The following PODNL1 variants were observed in gnomAD, a reference collection of about 807,000 sequenced individuals.
PODNL1 encodes podocan-like protein 1.
Under a neutral mutation model 45.1 loss-of-function variants are expected in PODNL1, and 50 were observed. The observed-to-expected ratio is 1.11, with a 90% confidence interval of 0.88 to 1.40. The LOEUF is 1.40. Among genes scored for constraint, PODNL1 ranks in the 40% most tolerant of loss-of-function variants. PODNL1 has a pLI of 0.00. For missense variants in PODNL1, 788 were observed against 793.3 expected (o/e 0.99, Z 0.08); for synonymous variants, 406 against 372.5 (o/e 1.09, Z -1.04).
rs568939188 is a variant in PODNL1, at chr19:13,936,702, C to T, written c.226-242G>A. Among the ~76,000 whole-genome samples the T allele has an allele frequency of 6.7e-4, 89 of 133,212 alleles. 2 individuals carry two copies. Among genetic ancestry groups the T allele is most frequent in the African/African-American group, 2.5e-3 (86 of 34,696 alleles). The allele number at this position is 133,212 out of a possible 152,430, so 87.4% of individuals were successfully genotyped here. The stretch of plus-strand genomic sequence containing the variant: ...CAATCGACCCCAATTCCCCCAACAC[C>T]CCCACAATCAACCCAAATGTGCCAT... On this transcript the variant is annotated intron_variant, in intron 2 of 9. Coordinates refer to ENST00000588872, the MANE Select transcript of PODNL1 (RefSeq NM_001370095.3).
chr19:13,936,479 G>A lies in PODNL1; in HGVS notation c.226-19C>T. On this transcript the variant is annotated intron_variant, in intron 2 of 9. Transcript: ENST00000588872. Reference sequence around the variant, plus strand: ...GGTTGTTCTGCAGGGTGAGAGTTGGGGTGTTCACACCCGTGACCCCGTGAC... The same window carrying A: ...GGTTGTTCTGCAGGGTGAGAGTTGGAGTGTTCACACCCGTGACCCCGTGAC... The A allele has an allele frequency of 6.3e-7, 1 of 1,596,982 alleles. No homozygotes were observed. Among genetic ancestry groups the A allele is most frequent in the Non-Finnish European group, 8.6e-7 (1 of 1,165,120 alleles).
intron 1 of PODNL1, chr19:13,953,113 C>G (rs1049445201): frequency 6.4e-7 from 1 of 1,550,392 alleles, no homozygotes. Flanking sequence ...CTGGGAGTTC[C>G]AGTACCTGGG....
chr19:13,934,317 GGAGAGGCT>G lies in PODNL1; in HGVS notation c.580_587del (p.Ser194GlnfsTer41). On this transcript the variant is annotated frameshift_variant, in exon 6 of 10. Transcript: ENST00000588872. LOFTEE classifies it high-confidence loss of function. Reference sequence around the variant, plus strand: ...GCGGCAGGTAGCTGAGCTGGTTGTTGGAGAGGCTGAGGGTGGCGATGGCCTCGGAGCCG... The same window carrying G: ...GCGGCAGGTAGCTGAGCTGGTTGTTGGAGGGTGGCGATGGCCTCGGAGCCG... The G allele has an allele frequency of 6.4e-7, 1 of 1,554,260 alleles. No individual in the cohort carries two copies.
At chr19:13,949,408 G>A (rs2145468175) in intron 1 of PODNL1, 1 of 152,104 alleles carries the variant, frequency 6.6e-6, no homozygotes, top group Middle Eastern at 3.4e-3. Flanking sequence ...CTGGGCACAA[G>A]GGATCCTCCC....
intron 1 of PODNL1, among the ~76,000 whole-genome samples, chr19:13,943,781 T>C (rs923034926): frequency 6.6e-6 from 1 of 152,062 alleles, no homozygotes; most frequent in African/African-American, 2.4e-5. Context: ...CTGTCTTTTA[T>C]AAAGACACTG....
chr19:13,935,979 C>A lies in PODNL1; in HGVS notation c.384+1G>T. Reference sequence around the variant, plus strand: ...GCCTGCGGGTGGGGCTGGGGGCTCACCTTGTTGTGAGCCACGCAGAGGTGC... The same window carrying A: ...GCCTGCGGGTGGGGCTGGGGGCTCAACTTGTTGTGAGCCACGCAGAGGTGC... On this transcript the variant is annotated splice_donor_variant, in intron 4 of 9. Transcript: ENST00000588872. LOFTEE classifies it high-confidence loss of function. The A allele has an allele frequency of 6.4e-7, 1 of 1,552,080 alleles. No individual in the cohort carries two copies. The highest frequency in any genetic ancestry group is 2.4e-5 in the East Asian group (1 of 41,112).
intron 1 of PODNL1, among the ~76,000 whole-genome samples, chr19:13,952,304 T>C (rs1391061059): frequency 6.6e-6 from 1 of 152,200 alleles, no homozygotes; most frequent in Admixed American, 6.5e-5. Context: ...GGTACGTCCT[T>C]AAGGCGGGGC....
At chr19:13,935,952 C>G in intron 4 of PODNL1, 28 bp downstream of exon 4, 1 of 1,550,006 alleles carries the variant, frequency 6.5e-7, no homozygotes, top group Non-Finnish European at 8.7e-7. Context: ...TCACTGGGCT[C>G]GGCCTGCGGG....
At position 13,933,089 on chromosome 19, in the gene PODNL1, C is replaced by A. The variant is rs1187580363; in HGVS notation, c.1134G>T (p.Thr378=). Residue 378 remains threonine, a synonymous_variant, in exon 8 of 10, where the codon ACG becomes ACT. Coordinates refer to ENST00000588872, the MANE Select transcript of PODNL1 (RefSeq NM_001370095.3). The surrounding 1 kb of genome is among the most constrained non-coding windows in gnomAD (Gnocchi z 5.2). Reference sequence around the variant, plus strand: ...GGCGGTTATAGGCCAGGTTAAGCTCCGTCAGGCCCGGTGTGGCGACCAGGT... The same window carrying A: ...GGCGGTTATAGGCCAGGTTAAGCTCAGTCAGGCCCGGTGTGGCGACCAGGT... ...ARDLVATPGL[T]ELNLAYNRLA... 1.3e-6 allele frequency: 2 copies of A among 1,531,056 alleles called. No homozygotes were observed. The highest frequency in any genetic ancestry group is 4.9e-5 in the East Asian group (2 of 41,110). 94.8% of individuals were successfully genotyped at this position (1,531,056 alleles called of 1,614,324 possible).
chr19:13,950,086 T>C (rs942978082), intron 1 of PODNL1, among the ~76,000 whole-genome samples: 7 of 143,856 alleles, frequency 4.9e-5, no homozygotes, highest in African/African-American at 1.8e-4. Flanking sequence ...GCCAGGATGG[T>C]CTCAGTCTCA....
upstream of PODNL1, among the ~76,000 whole-genome samples, chr19:13,941,600 C>T (rs1295834741): frequency 6.6e-6 from 1 of 152,128 alleles, no homozygotes; most frequent in African/African-American, 2.4e-5. Context: ...CACCTAAGGT[C>T]AGGAGTTCGA....
chr19:13,941,955 C>T (rs897648878), upstream of PODNL1, among the ~76,000 whole-genome samples: 1 of 152,136 alleles, frequency 6.6e-6, no homozygotes, highest in Non-Finnish European at 1.5e-5. Context: ...AGAACAACAG[C>T]TCCTATCTCA....
intron 5 of PODNL1, 74 bp downstream of exon 5, chr19:13,935,647 C>T: frequency 1.7e-6 from 2 of 1,182,240 alleles, no homozygotes; most frequent in Admixed American, 3.0e-5. Context: ...TCTTAACTCC[C>T]TCATTGCTCC....
upstream of PODNL1, among the ~76,000 whole-genome samples, chr19:13,941,952 C>T (rs1972668739): frequency 6.6e-6 from 1 of 152,114 alleles, no homozygotes; most frequent in Admixed American, 6.6e-5. Context: ...AAGAGAACAA[C>T]AGCTCCTATC....
intron 6 of PODNL1, 30 bp from the exon 7 acceptor site, chr19:13,934,023 A>G (rs541897829): frequency 5.8e-6 from 9 of 1,563,836 alleles, no homozygotes; most frequent in South Asian, 1.2e-5. Flanking sequence ...ATGAGACTTG[A>G]GTCTGGGATG....
chr19:13,943,664 A>C (rs1472900890), intron 1 of PODNL1, among the ~76,000 whole-genome samples: 1 of 151,816 alleles, frequency 6.6e-6, no homozygotes, highest in Non-Finnish European at 1.5e-5. Context: ...GTGTTTCATC[A>C]TGTTAGCCAG....
At position 13,931,600 on chromosome 19, in the gene PODNL1, C is replaced by A; in HGVS notation, c.*137G>T. ...CCAGCTGTGTGCCTCTGTGTCTCGG[C>A]CAGTGGCAGGCAGAGCAGGCCCAGC... is the stretch of plus-strand genomic sequence containing the variant. On this transcript the variant is annotated 3_prime_UTR_variant, in exon 10 of 10. Coordinates refer to ENST00000588872, the MANE Select transcript of PODNL1 (RefSeq NM_001370095.3). 1 of 960,850 alleles carries A rather than the reference C, an allele frequency of 1.0e-6. No homozygotes were observed. The highest frequency in any genetic ancestry group is 1.3e-6 in the Non-Finnish European group (1 of 741,500). 59.5% of individuals were successfully genotyped at this position (960,850 alleles called of 1,614,324 possible). A position where few individuals can be genotyped will look rare whatever the true frequency, so the allele number is the denominator to read the frequency against.
At chr19:13,938,883 C>T (rs1972552201), upstream of PODNL1, among the ~76,000 whole-genome samples, 1 of 152,190 alleles carries the variant, frequency 6.6e-6, no homozygotes, top group Admixed American at 6.5e-5. Context: ...TGCCACCTCT[C>T]AGGGCCTTGG....
rs777010592 is a variant in PODNL1, at chr19:13,933,052, G to A, written c.1171C>T (p.Arg391Cys). The A allele has an allele frequency of 8.5e-6, 13 of 1,536,286 alleles. No homozygotes were observed. The highest frequency in any genetic ancestry group is 3.6e-5 in the South Asian group (3 of 84,076). Residue 391 changes from arginine to cysteine, a missense_variant, in exon 8 of 10, where the codon CGT (arginine) becomes TGT (cysteine). Physicochemically the swap from Arg to Cys is radical, Grantham distance 180. Transcript: ENST00000588872. The surrounding 1 kb of genome is among the most constrained non-coding windows in gnomAD (Gnocchi z 5.2). The part of the protein sequence containing the change: ...NLAYNRLASA[R>C]VHHRAFRRLR... ...CGGCGGAAGGCCCGGTGGTGCACAC[G>A]GGCGCTGGCCAGGCGGTTATAGGCC...
Sources: gnomAD v4.1 joint callset for allele counts (sites outside exome capture counted in the v4.1 genomes callset) on GRCh38, gnomAD v4.1.1 for gene constraint, Gnocchi (gnomAD v3.1) non-coding constraint, MANE v1.5 for transcripts, NCBI Gene and HGNC (gene_info 2026-07-23, HGNC 2026-07-21) for gene names.